PDE4D: variants seen among roughly 807,000 people sequenced by gnomAD.
PDE4D encodes phosphodiesterase 4D.
PDE4D carries 24 observed loss-of-function variants against 87.4 expected under a neutral mutation model. The ratio of observed to expected loss-of-function variants is 0.27; its 90% confidence interval spans 0.20 to 0.39. The LOEUF (loss-of-function observed/expected upper bound fraction) is 0.39, where lower values mean the gene tolerates loss of function less well. Ranked by LOEUF, PDE4D falls within the 10% of genes least tolerant of loss-of-function variation. The pLI is 1.00. For missense variants in PDE4D, 714 were observed against 1,041.0 expected, an observed-to-expected ratio of 0.69 and a Z score of 4.32; for synonymous variants, 384 against 383.2, an observed-to-expected ratio of 1.00 and a Z score of -0.02.
At chr5:59,101,264 G>A (rs116544278) in intron 5 of PDE4D, among the ~76,000 whole-genome samples, 310 of 152,184 alleles carry the variant, frequency 2.0e-3, no homozygotes, top group Non-Finnish European at 3.8e-3. Flanking sequence ...ATTCTCATGG[G>A]TTTCCTCAGT....
At chr5:59,190,576 T>G (rs112487235) in intron 3 of PDE4D, among the ~76,000 whole-genome samples, 2,817 of 152,294 alleles carry the variant, frequency 0.018, 84 homozygotes, top group African/African-American at 0.062. Context: ...TAGATTGGTA[T>G]CACTTCAAGT....
intron 1 of PDE4D, among the ~76,000 whole-genome samples, chr5:59,878,093 A>G (rs1047831232): frequency 6.6e-6 from 1 of 152,180 alleles, no homozygotes; most frequent in Non-Finnish European, 1.5e-5. Context: ...ATGACTGAAA[A>G]AGAAAGTTCA....
At chr5:59,808,923 AG>A (rs1470363601) in intron 1 of PDE4D, among the ~76,000 whole-genome samples, 2 of 152,178 alleles carry the variant, frequency 1.3e-5, no homozygotes, top group Non-Finnish European at 2.9e-5. Flanking sequence ...GGAGGCTGAA[AG>A]GCTGAATTAG....
intron 1 of PDE4D, among the ~76,000 whole-genome samples, chr5:59,372,556 A>G (rs1048432561): frequency 1.3e-5 from 2 of 152,218 alleles, no homozygotes; most frequent in African/African-American, 2.4e-5. Flanking sequence ...GGCTGTACAG[A>G]GAACAGTGAA....
At chr5:60,255,178 A>G (rs567973147) in intron 1 of PDE4D, among the ~76,000 whole-genome samples, 2 of 152,026 alleles carry the variant, frequency 1.3e-5, no homozygotes, top group East Asian at 3.9e-4. Flanking sequence ...AGATTTAACC[A>G]GGGATGATAA....
At chr5:59,718,754 A>C (rs1232880637) in intron 1 of PDE4D, among the ~76,000 whole-genome samples, 1 of 152,156 alleles carries the variant, frequency 6.6e-6, no homozygotes, top group Non-Finnish European at 1.5e-5. Context: ...TATACAATGA[A>C]AGAAACAAGT....
At chr5:60,309,192 G>A (rs1754777278) in intron 1 of PDE4D, among the ~76,000 whole-genome samples, 1 of 152,032 alleles carries the variant, frequency 6.6e-6, no homozygotes, top group South Asian at 2.1e-4. Flanking sequence ...CATAGCATCT[G>A]CCTCTGAAAG....
intron 6 of PDE4D, among the ~76,000 whole-genome samples, chr5:59,013,193 A>G (rs539626307): frequency 6.6e-6 from 1 of 152,356 alleles, no homozygotes; most frequent in South Asian, 2.1e-4. Context: ...CACAAGAGAA[A>G]GCAGGAAAGA....
chr5:59,290,955 A>G (rs1165042285), intron 1 of PDE4D, among the ~76,000 whole-genome samples: 2 of 152,044 alleles, frequency 1.3e-5, no homozygotes, highest in Non-Finnish European at 2.9e-5. Context: ...GATGTAAAGA[A>G]AAGGGAACCC....
At chr5:60,252,994 A>G (rs1015724324) in intron 1 of PDE4D, among the ~76,000 whole-genome samples, 1 of 151,890 alleles carries the variant, frequency 6.6e-6, no homozygotes, top group Non-Finnish European at 1.5e-5. Flanking sequence ...GAGGAAGTCA[A>G]TGCTTTGAAA....
At chr5:59,123,670 C>T (rs1774944044) in intron 5 of PDE4D, among the ~76,000 whole-genome samples, 1 of 152,158 alleles carries the variant, frequency 6.6e-6, no homozygotes, top group African/African-American at 2.4e-5. Context: ...CCATTGCAGA[C>T]ACCGTGACAT....
Position 60,109,149 on chromosome 5 carries a change from C to T in PDE4D, c.42+76408G>A, listed in dbSNP as rs1047093975. On this transcript the variant is annotated intron_variant, in intron 2 of 16. Coordinates refer to the PDE4D transcript ENST00000502484. ...TAATATCCAGAATCTACAATGAACT[C>T]AAACAAATTTACAAGAAAAAAACAA... Among the ~76,000 whole-genome samples, 1,087 of 151,578 alleles carry T rather than the reference C, an allele frequency of 7.2e-3. 11 individuals carry two copies. Among genetic ancestry groups the T allele is most frequent in the African/African-American group, 0.025 (1,040 of 41,270 alleles).
chr5:60,418,361 G>A lies in PDE4D; in HGVS notation c.-90+69581C>T, dbSNP rs571404890. 2.0e-4 allele frequency among the ~76,000 whole-genome samples: 30 copies of A among 152,140 alleles called. 1 individual carries two copies. In the East Asian group the frequency reaches 5.2e-3, roughly 26 times the overall value. Reference sequence around the variant, plus strand: ...ATTTGAAAATCAGACTGACTAAAATGGAAATAAAATTGCACTTTTAAAATG... The same window carrying A: ...ATTTGAAAATCAGACTGACTAAAATAGAAATAAAATTGCACTTTTAAAATG... On this transcript the variant is annotated intron_variant, in intron 1 of 16. Transcript: ENST00000502484.
At chr5:59,393,639 T>C (rs1260886173) in intron 1 of PDE4D, among the ~76,000 whole-genome samples, 1 of 152,210 alleles carries the variant, frequency 6.6e-6, no homozygotes, top group Admixed American at 6.5e-5. Flanking sequence ...TCACTGACTT[T>C]GCCTTTCCAA....
intron 1 of PDE4D, among the ~76,000 whole-genome samples, chr5:60,474,137 TATATATATATATAACA>T (rs1477323336): frequency 0.017 from 1,709 of 98,484 alleles, 67 homozygotes; most frequent in African/African-American, 0.088. Context: ...TATATATATA[TATATATATATATAACA>T]AAAACCTTAG....
At chr5:59,565,611 G>A (rs774260977) in intron 1 of PDE4D, among the ~76,000 whole-genome samples, 18 of 152,232 alleles carry the variant, frequency 1.2e-4, no homozygotes, top group Non-Finnish European at 1.5e-4. Context: ...GGGAGGTGTG[G>A]GTAGTGGGGT....
At chr5:59,009,558 C>T (rs10078754) in intron 6 of PDE4D, among the ~76,000 whole-genome samples, 15,310 of 152,046 alleles carry the variant, frequency 0.1, 1,020 homozygotes, top group Non-Finnish European at 0.13. Context: ...AAGGCAAAAC[C>T]ATAGGGACAA....
intron 1 of PDE4D, among the ~76,000 whole-genome samples, chr5:59,810,699 G>T (rs1768252295): frequency 6.6e-6 from 1 of 152,162 alleles, no homozygotes; most frequent in Non-Finnish European, 1.5e-5. Flanking sequence ...AAACGCAGAA[G>T]CCCCGCCTAT....
chr5:59,415,530 A>G (rs956678681), intron 1 of PDE4D, among the ~76,000 whole-genome samples: 1 of 152,326 alleles, frequency 6.6e-6, no homozygotes, highest in East Asian at 1.9e-4. Context: ...CTTAATATTT[A>G]TGAATTAAAA....
Sources: allele counts gnomAD v4.1 joint callset (sites outside exome capture counted in the v4.1 genomes callset), GRCh38; gene constraint gnomAD v4.1.1; transcripts MANE v1.5; gene names NCBI Gene and HGNC (gene_info 2026-07-23, HGNC 2026-07-21).